DUS2: variants seen among roughly 807,000 people sequenced by gnomAD.
The protein encoded by DUS2 is tRNA-dihydrouridine(20) synthase [NAD(P)+]-like.
Under a neutral mutation model 71.3 loss-of-function variants are expected in DUS2, and 52 were observed. That is an observed-to-expected ratio of 0.73 (90% confidence interval 0.58 to 0.92). The LOEUF (loss-of-function observed/expected upper bound fraction) is 0.92, where lower values mean the gene tolerates loss of function less well. Ranked by LOEUF, DUS2 falls within the 40% of genes least tolerant of loss-of-function variation. DUS2 has a pLI of 0.00. For synonymous variants in DUS2, 204 were observed against 227.8 expected (o/e 0.90, Z 0.94); for missense variants, 558 against 622.6 (o/e 0.90, Z 1.10).
Position 68,070,125 on chromosome 16 carries a change from A to G in DUS2, c.555-9A>G. On this transcript the variant is annotated splice_polypyrimidine_tract_variant and intron_variant, in intron 10 of 16. Transcript: ENST00000565263. ...GCTTAGCCCTCAGCCCCATCTTTCT[A>G]TCTCCAAGGAAGCGGGAGGAGCGAC... is the stretch of plus-strand genomic sequence containing the variant. 2 of 1,613,666 alleles carry G rather than the reference A, an allele frequency of 1.2e-6. No individual in the cohort carries two copies. The highest frequency in any genetic ancestry group is 1.3e-5 in the African/African-American group (1 of 74,938).
At chr16:68,052,368 A>C (rs935330277) in intron 4 of DUS2, among the ~76,000 whole-genome samples, 3 of 152,234 alleles carry the variant, frequency 2.0e-5, no homozygotes, top group African/African-American at 7.2e-5. Flanking sequence ...CATGCACATC[A>C]GGCAACTCAA....
intron 3 of DUS2, among the ~76,000 whole-genome samples, chr16:68,047,042 G>GC (rs1012131104): frequency 9.1e-5 from 13 of 142,936 alleles, no homozygotes; most frequent in Admixed American, 7.8e-4. Context: ...GAGCCACCAT[G>GC]CCCGGCCTTT....
At chr16:68,054,487 G>A in intron 5 of DUS2, 87 bp from the exon 6 acceptor site, 2 of 1,392,928 alleles carry the variant, frequency 1.4e-6, no homozygotes, top group Admixed American at 3.4e-5. Flanking sequence ...GGGTGTGTGT[G>A]TGTATGTGTG....
At chr16:68,048,791 T>C (rs1317225686) in intron 3 of DUS2, among the ~76,000 whole-genome samples, 1 of 152,146 alleles carries the variant, frequency 6.6e-6, no homozygotes, top group Non-Finnish European at 1.5e-5. Context: ...CCAGAATCCA[T>C]GGGCATGAAC....
At chr16:68,056,489 A>G in intron 7 of DUS2, 65 bp downstream of exon 7, 10 of 1,348,508 alleles carry the variant, frequency 7.4e-6, no homozygotes, top group East Asian at 2.3e-5. Flanking sequence ...ACAAGACATA[A>G]CTAAGTATAG....
chr16:68,056,534 G>A, intron 7 of DUS2, 110 bp downstream of exon 7: 1 of 822,766 alleles, frequency 1.2e-6, no homozygotes, highest in East Asian at 2.6e-5. Context: ...TACTAGATGG[G>A]GAAAATGCTC....
chr16:68,052,891 C>T (rs1352716665), intron 4 of DUS2, among the ~76,000 whole-genome samples: 1 of 151,940 alleles, frequency 6.6e-6, no homozygotes, highest in Admixed American at 6.6e-5. Context: ...GATCCACCTG[C>T]CTTGGCCTTC....
chr16:68,065,708 G>A (rs886954236), intron 8 of DUS2, among the ~76,000 whole-genome samples: 17 of 152,206 alleles, frequency 1.1e-4, no homozygotes, highest in African/African-American at 4.1e-4. Context: ...CAAACTCCTG[G>A]CTTCAAGCAA....
At chr16:68,041,828 A>G (rs892463132) in intron 3 of DUS2, among the ~76,000 whole-genome samples, 2 of 151,296 alleles carry the variant, frequency 1.3e-5, no homozygotes, top group South Asian at 2.1e-4. Context: ...AAAAAAAAAA[A>G]GAGAAATGAG....
intron 3 of DUS2, among the ~76,000 whole-genome samples, chr16:68,042,689 A>ATTTCTT (rs2033648200): frequency 2.0e-5 from 3 of 150,692 alleles, no homozygotes. Flanking sequence ...TTATTTATTT[A>ATTTCTT]TTTATTTTTA....
chr16:68,036,659 C>T (rs566029164), intron 2 of DUS2, among the ~76,000 whole-genome samples: 10 of 152,094 alleles, frequency 6.6e-5, no homozygotes, highest in South Asian at 6.2e-4. Context: ...AGGCTGGTCT[C>T]GAACTCCTGA....
intron 7 of DUS2, among the ~76,000 whole-genome samples, chr16:68,058,327 C>G (rs999197596): frequency 5.9e-5 from 9 of 151,324 alleles, no homozygotes; most frequent in Non-Finnish European, 7.4e-5. Context: ...TGGGTTCAAG[C>G]GATTCTCCTG....
In DUS2 at chr16:68,033,484, T is replaced by C. The variant is rs951723467; in HGVS notation, c.-18-4522T>C. On this transcript the variant is annotated intron_variant, in intron 2 of 16. Coordinates refer to ENST00000565263, the MANE Select transcript of DUS2 (RefSeq NM_017803.5). ...TTTTAAAATTATTTTTATTTAAAAATTAAAAAAAAATTTTTTTTGAGACAG... is the reference window on the plus strand; with the variant it reads ...TTTTAAAATTATTTTTATTTAAAAACTAAAAAAAAATTTTTTTTGAGACAG... Among the ~76,000 whole-genome samples, 18 of 151,936 alleles carry C rather than the reference T, an allele frequency of 1.2e-4. No individual in the cohort carries two copies. In the East Asian group the frequency reaches 3.5e-3, roughly 29 times the overall value.
At chr16:68,058,421 T>C (rs1321541128) in intron 7 of DUS2, among the ~76,000 whole-genome samples, 1 of 151,756 alleles carries the variant, frequency 6.6e-6, no homozygotes, top group African/African-American at 2.4e-5. Flanking sequence ...AGAGACGGGG[T>C]TTTGCCATGT....
At position 68,023,298 on chromosome 16, in the gene DUS2, A is replaced by G. The variant is rs551467589; in HGVS notation, c.-152A>G. On this transcript the variant is annotated 5_prime_UTR_variant, in exon 1 of 17. Coordinates refer to ENST00000565263, the MANE Select transcript of DUS2 (RefSeq NM_017803.5). ...TGGCGAGGCTCAGTACGGTGTGTGG[A>G]GCTGGAGCACCGTGAGGAAGAAGCG... is the stretch of plus-strand genomic sequence containing the variant. 3.0e-5 allele frequency: 42 copies of G among 1,380,000 alleles called. No homozygotes were observed. The highest frequency in any genetic ancestry group is 3.8e-5 in the Non-Finnish European group (39 of 1,022,866). 85.5% of individuals were successfully genotyped at this position (1,380,000 alleles called of 1,614,324 possible).
At chr16:68,075,526 A>G in intron 14 of DUS2, 22 bp downstream of exon 14, 1 of 1,604,142 alleles carries the variant, frequency 6.2e-7, no homozygotes, top group Non-Finnish European at 8.5e-7. Context: ...GCTTGGCCTC[A>G]GCTTGGGCTA....
chr16:68,070,525 T>C (rs1182348480), intron 11 of DUS2, among the ~76,000 whole-genome samples: 1 of 152,124 alleles, frequency 6.6e-6, no homozygotes, highest in Non-Finnish European at 1.5e-5. Flanking sequence ...TTCCTTCCTC[T>C]TGTCATCACT....
chr16:68,041,872 CA>C (rs1219345919), intron 3 of DUS2, among the ~76,000 whole-genome samples: 1 of 144,100 alleles, frequency 6.9e-6, no homozygotes, highest in Non-Finnish European at 1.5e-5. Flanking sequence ...CTTATTGTGA[CA>C]AAAAACATAC....
chr16:68,023,339 G>T lies in DUS2; in HGVS notation c.-111G>T. On this transcript the variant is annotated 5_prime_UTR_variant, in exon 1 of 17. Coordinates refer to ENST00000565263, the MANE Select transcript of DUS2 (RefSeq NM_017803.5). ...GGAAGAAGCGAGGTTCTTTTTAAGA[G>T]TTCAGCTGCGAGGTCTGTAGCTCCG... 9.2e-7 allele frequency: 1 copy of T among 1,088,250 alleles called. No homozygotes were observed. Among genetic ancestry groups the T allele is most frequent in the Non-Finnish European group, 1.3e-6 (1 of 770,886 alleles). 67.4% of individuals were successfully genotyped at this position (1,088,250 alleles called of 1,614,324 possible). A position where few individuals can be genotyped will look rare whatever the true frequency, so the allele number is the denominator to read the frequency against.
Sources: allele counts gnomAD v4.1 joint callset (sites outside exome capture counted in the v4.1 genomes callset), GRCh38; gene constraint gnomAD v4.1.1; transcripts MANE v1.5; gene names NCBI Gene and HGNC (gene_info 2026-07-23, HGNC 2026-07-21).